Variants in ADGRL2 observed in about 807,000 individuals in gnomAD.
ADGRL2 encodes the protein calcium-independent alpha-latrotoxin receptor 2.
ADGRL2 carries 44 observed loss-of-function variants against 157.4 expected under a neutral mutation model. The observed-to-expected ratio is 0.28, with a 90% confidence interval of 0.22 to 0.36. The LOEUF is 0.36. Ranked by LOEUF, ADGRL2 falls within the 10% of genes least tolerant of loss-of-function variation. ADGRL2 has a pLI of 1.00. For missense variants in ADGRL2, 1,510 were observed against 1,768.9 expected, an observed-to-expected ratio of 0.85 and a Z score of 2.63; for synonymous variants, 585 against 624.7, an observed-to-expected ratio of 0.94 and a Z score of 0.95.
intron 2 of ADGRL2, among the ~76,000 whole-genome samples, chr1:81,521,482 G>A (rs1223027112): frequency 1.3e-5 from 2 of 151,932 alleles, no homozygotes; most frequent in Non-Finnish European, 1.5e-5. Context: ...TATTCTTAAG[G>A]CTTCTTTAAT....
At chr1:81,414,105 C>T (rs924256347) in intron 1 of ADGRL2, 3 of 152,218 alleles carry the variant, frequency 2.0e-5, no homozygotes, top group Non-Finnish European at 4.4e-5. Flanking sequence ...CCACTCTGTG[C>T]TGTATCATAT....
Position 81,990,617 on chromosome 1 carries a change from G to A in ADGRL2, c.3882G>A (p.Thr1294=), listed in dbSNP as rs61741047. Residue 1294 remains threonine, a synonymous_variant, in exon 24 of 24, where the codon ACG becomes ACA. Transcript: ENST00000686636. ...GSSKTHNLEL[T]LPVKPVIGGS... The stretch of plus-strand genomic sequence containing the variant: ...GCAAGACTCACAACCTCGAGCTCAC[G>A]CTACCAGTCAAACCTGTGATTGGAG... The A allele has an allele frequency of 3.7e-3, 6,008 of 1,614,074 alleles. 153 individuals carry two copies. The African/African-American group carries it at 0.065, about 17-fold the overall frequency.
At chr1:81,877,303 A>G (rs1036393751) in intron 2 of ADGRL2, among the ~76,000 whole-genome samples, 1 of 152,140 alleles carries the variant, frequency 6.6e-6, no homozygotes, top group Non-Finnish European at 1.5e-5. Flanking sequence ...AGTCTGAATC[A>G]TAGCTCTTCT....
At chr1:81,941,053 T>C (rs1415944694) in intron 4 of ADGRL2, among the ~76,000 whole-genome samples, 1 of 151,510 alleles carries the variant, frequency 6.6e-6, no homozygotes, top group East Asian at 1.9e-4. Context: ...ATGATTGTTG[T>C]TGCATGCTAG....
At chr1:81,424,676 G>T (rs2077180525) in intron 1 of ADGRL2, among the ~76,000 whole-genome samples, 1 of 152,150 alleles carries the variant, frequency 6.6e-6, no homozygotes, top group Non-Finnish European at 1.5e-5. Flanking sequence ...CCTAAGATAA[G>T]ACCACTTCAT....
At chr1:81,462,033 G>C (rs1050985961) in intron 2 of ADGRL2, among the ~76,000 whole-genome samples, 1 of 151,988 alleles carries the variant, frequency 6.6e-6, no homozygotes, top group African/African-American at 2.4e-5. Flanking sequence ...GGGACTTGGA[G>C]AACTTTTCTG....
At chr1:81,312,743 T>C (rs1659844228) in intron 1 of ADGRL2, among the ~76,000 whole-genome samples, 1 of 152,160 alleles carries the variant, frequency 6.6e-6, no homozygotes, top group African/African-American at 2.4e-5. Context: ...CAGAGAGGGA[T>C]GGAGCAGTTT....
intron 1 of ADGRL2, among the ~76,000 whole-genome samples, chr1:81,313,486 A>G (rs1179752007): frequency 6.6e-6 from 1 of 152,184 alleles, no homozygotes; most frequent in Non-Finnish European, 1.5e-5. Flanking sequence ...TTAAAATGGC[A>G]TGCCTGTCTG....
chr1:81,561,569 T>C (rs989544048), intron 2 of ADGRL2, among the ~76,000 whole-genome samples: 10 of 151,390 alleles, frequency 6.6e-5, no homozygotes, highest in African/African-American at 2.4e-4. Flanking sequence ...CAAGCGATTC[T>C]CCCATCTCAG....
At chr1:81,585,209 C>G (rs565615715) in intron 3 of ADGRL2, among the ~76,000 whole-genome samples, 1 of 151,992 alleles carries the variant, frequency 6.6e-6, no homozygotes, top group Non-Finnish European at 1.5e-5. Flanking sequence ...ATAAGGAAAG[C>G]GGAGTTTTTA....
intron 2 of ADGRL2, among the ~76,000 whole-genome samples, chr1:81,575,186 C>T (rs955349812): frequency 6.6e-6 from 1 of 152,062 alleles, no homozygotes; most frequent in Non-Finnish European, 1.5e-5. Flanking sequence ...AATAATGTTT[C>T]GTGTCTTCCC....
chr1:81,767,868 A>G (rs201737039), intron 2 of ADGRL2, among the ~76,000 whole-genome samples: 6 of 111,786 alleles, frequency 5.4e-5, no homozygotes, highest in East Asian at 1.6e-3. Context: ...AAAAAAAAAA[A>G]GAAAAAAAAA....
rs1557742085 is a variant in ADGRL2 at position 81,837,054 on chromosome 1, G to C, written c.70G>C (p.Glu24Gln). The C allele has an allele frequency of 1.3e-6, 2 of 1,576,764 alleles. No homozygotes were observed. ...IIVISFLPNT[E>Q]GFSRAALPFG... The stretch of plus-strand genomic sequence containing the variant: ...TGTAATCAGCTTCTTACCAAATACA[G>C]AAGGTAAGATCCAGTTTACATTTTG... Residue 24 changes from glutamate to glutamine, a missense_variant, in exon 2 of 24, where the codon GAA becomes CAA. Coordinates refer to ENST00000686636, the MANE Select transcript of ADGRL2 (RefSeq NM_001366006.2).
At chr1:81,405,057 C>G (rs912221032) in intron 1 of ADGRL2, among the ~76,000 whole-genome samples, 8 of 152,146 alleles carry the variant, frequency 5.3e-5, no homozygotes, top group Non-Finnish European at 8.8e-5. Context: ...ATTGTCTTCT[C>G]CACTTGGAAG....
At chr1:81,553,983 T>A (rs1219562940) in intron 2 of ADGRL2, among the ~76,000 whole-genome samples, 2 of 152,208 alleles carry the variant, frequency 1.3e-5, no homozygotes, top group African/African-American at 4.8e-5. Flanking sequence ...AAAGGCCCTG[T>A]AGATGATATC....
chr1:81,417,891 C>T (rs558994962), intron 1 of ADGRL2, among the ~76,000 whole-genome samples: 2 of 152,190 alleles, frequency 1.3e-5, no homozygotes, highest in African/African-American at 2.4e-5. Context: ...CCAACCACCA[C>T]CTCCAGTCAA....
chr1:81,928,727 T>TA, intron 3 of ADGRL2, among the ~76,000 whole-genome samples: 2 of 152,292 alleles, frequency 1.3e-5, no homozygotes, highest in African/African-American at 4.8e-5. Flanking sequence ...GTTTAGCATA[T>TA]ACAATTCACC....
intron 3 of ADGRL2, among the ~76,000 whole-genome samples, chr1:81,928,329 G>C (rs891631520): frequency 3.3e-5 from 5 of 152,070 alleles, no homozygotes; most frequent in Admixed American, 6.6e-5. Context: ...CTGAGAATCA[G>C]GTACGGCTGA....
intron 3 of ADGRL2, among the ~76,000 whole-genome samples, chr1:81,921,569 C>G (rs2094979546): frequency 6.6e-6 from 1 of 152,148 alleles, no homozygotes; most frequent in Non-Finnish European, 1.5e-5. Flanking sequence ...GCACACGGCC[C>G]TCCACTCCCA....
Sources: gnomAD v4.1 joint callset for allele counts (sites outside exome capture counted in the v4.1 genomes callset) on GRCh38, gnomAD v4.1.1 for gene constraint, MANE v1.5 for transcripts, NCBI Gene and HGNC (gene_info 2026-07-23, HGNC 2026-07-21) for gene names.